The following OPHN1 variants were observed in gnomAD, a reference collection of about 807,000 sequenced individuals.
The protein encoded by OPHN1 is oligophrenin-1.
A neutral mutation model predicts 60.7 loss-of-function variants in OPHN1; 11 were observed. The ratio of observed to expected loss-of-function variants is 0.18; its 90% confidence interval spans 0.11 to 0.30. The LOEUF is 0.30. Among genes scored for constraint, OPHN1 ranks in the 10% least tolerant of loss-of-function variants. The pLI is 1.00. For missense variants in OPHN1, 449 were observed against 611.0 expected, an observed-to-expected ratio of 0.73 and a Z score of 2.80; for synonymous variants, 226 against 222.6, an observed-to-expected ratio of 1.02 and a Z score of -0.14.
At chrX:68,091,457 G>T (rs1385296027) in intron 19 of OPHN1, among the ~76,000 whole-genome samples, 1 of 110,913 alleles carries the variant, frequency 9.0e-6, no homozygotes, top group Admixed American at 9.7e-5. Flanking sequence ...TAAACTAGTT[G>T]GGAAGAACTG....
intron 20 of OPHN1, chrX:68,070,584 C>T: frequency 1.5e-6 from 1 of 654,226 alleles, no homozygotes; most frequent in South Asian, 2.2e-5. Flanking sequence ...TAAACTGGCA[C>T]CACCCGTAGT....
chrX:68,140,530 T>C (rs2077237960), intron 15 of OPHN1, among the ~76,000 whole-genome samples: 1 of 109,476 alleles, frequency 9.1e-6, no homozygotes, highest in African/African-American at 3.3e-5. Context: ...CTGGTGAGGG[T>C]GATACAGAAT....
chrX:68,048,281 G>C, intron 24 of OPHN1, 135 bp downstream of exon 24: 1 of 524,750 alleles, frequency 1.9e-6, no homozygotes, highest in Non-Finnish European at 3.3e-6. Flanking sequence ...GGCAGTGATA[G>C]AGTAATGAAC....
chrX:68,305,240 C>T (rs1222167959), intron 2 of OPHN1, among the ~76,000 whole-genome samples: 1 of 110,249 alleles, frequency 9.1e-6, no homozygotes, highest in African/African-American at 3.3e-5. Context: ...AAAAAATAGC[C>T]GGGTGACGTA....
chrX:68,159,979 AT>A (rs1333868774), intron 15 of OPHN1, among the ~76,000 whole-genome samples: 1 of 103,462 alleles, frequency 9.7e-6, no homozygotes, highest in Non-Finnish European at 1.9e-5. Flanking sequence ...AAAGGCACAT[AT>A]TTTCAGACTG....
chrX:68,325,324 G>A (rs1019159385), intron 2 of OPHN1, among the ~76,000 whole-genome samples: 2 of 108,312 alleles, frequency 1.8e-5, no homozygotes, highest in African/African-American at 6.7e-5. Context: ...CAATAATCAA[G>A]ACAGTCTAGT....
intron 2 of OPHN1, among the ~76,000 whole-genome samples, chrX:68,324,277 A>G (rs1441436186): frequency 9.0e-6 from 1 of 111,164 alleles, no homozygotes; most frequent in Non-Finnish European, 1.9e-5. Flanking sequence ...AAGATCAACA[A>G]TATGAAAATC....
At chrX:68,354,781 C>T (rs2078432440) in intron 2 of OPHN1, among the ~76,000 whole-genome samples, 1 of 108,937 alleles carries the variant, frequency 9.2e-6, no homozygotes, top group Non-Finnish European at 1.9e-5. Context: ...CTAAAAGAAA[C>T]GTCATGATGA....
chrX:68,141,899 T>C (rs1003532009), intron 15 of OPHN1, among the ~76,000 whole-genome samples: 6 of 86,206 alleles, frequency 7.0e-5, no homozygotes, highest in Admixed American at 5.7e-4. Flanking sequence ...GATGGTGATG[T>C]TAATTAAAGA....
intron 6 of OPHN1, among the ~76,000 whole-genome samples, chrX:68,230,913 T>TA (rs931784338): frequency 5.5e-5 from 6 of 109,369 alleles, no homozygotes; most frequent in African/African-American, 1.0e-4. Flanking sequence ...TAAAGTATAA[T>TA]AAAAAAAAGA....
chrX:68,251,202 T>C (rs1330255134), intron 5 of OPHN1, among the ~76,000 whole-genome samples: 1 of 98,795 alleles, frequency 1.0e-5, no homozygotes, highest in Non-Finnish European at 2.1e-5. Context: ...TTTTTTTTTT[T>C]TTGGAAACGG....
intron 5 of OPHN1, among the ~76,000 whole-genome samples, chrX:68,239,803 T>C (rs1301507825): frequency 1.2e-5 from 1 of 85,392 alleles, no homozygotes; most frequent in Non-Finnish European, 2.3e-5. Context: ...TATTTAATTT[T>C]CTTTCCTTTT....
chrX:68,054,558 A>G (rs1213391887), intron 21 of OPHN1, among the ~76,000 whole-genome samples: 2 of 111,272 alleles, frequency 1.8e-5, no homozygotes, highest in Non-Finnish European at 3.8e-5. Flanking sequence ...TCCAAGAGGC[A>G]AAAAAACAAA....
Position 68,073,158 on chromosome X carries a change from T to C in OPHN1, c.1828A>G (p.Ser610Gly), listed in dbSNP as rs1430158390. The C allele has an allele frequency of 1.7e-6, 2 of 1,207,979 alleles. No homozygotes were observed. Among genetic ancestry groups the C allele is most frequent in the Admixed American group, 2.2e-5 (1 of 45,710 alleles). The change falls in exon 20 of 25, where the codon AGC (serine) becomes GGC (glycine). Residue 610 changes from serine (S) to glycine (G), a missense_variant. Physicochemically the swap from Ser to Gly is moderately conservative, Grantham distance 56. Around this residue, in one of 4 missense-constraint regions of OPHN1, gnomAD observed 184 missense variants for 160.5 expected, o/e 1.15. Transcript: ENST00000355520. ...GGTGAACCTCAGTACTGACCTTCGC[T>C]TTCATCCAGGGAAGAAGTATAGAAA... ...TVFYTSSLDESEDEIQHQTPN... is the reference protein window; with the variant it reads ...TVFYTSSLDEGEDEIQHQTPN...
chrX:68,251,959 T>C lies in OPHN1; in HGVS notation c.385-17371A>G, dbSNP rs146950386. The stretch of plus-strand genomic sequence containing the variant: ...AAAGGAAGAATGTATTTCACCTCCT[T>C]ACTGATGTTGGGCTTGGCCATATGA... On this transcript the variant is annotated intron_variant, in intron 5 of 24. Coordinates refer to ENST00000355520, the MANE Select transcript of OPHN1 (RefSeq NM_002547.3). Among the ~76,000 whole-genome samples the C allele has an allele frequency of 3.9e-3, 435 of 112,328 alleles. No homozygotes were observed. In the Middle Eastern group the frequency reaches 0.042, roughly 11 times the overall value.
chrX:68,164,368 C>T (rs888859353), intron 15 of OPHN1, among the ~76,000 whole-genome samples: 22 of 111,938 alleles, frequency 2.0e-4, no homozygotes, highest in African/African-American at 7.1e-4. Flanking sequence ...ACTCTTTGAT[C>T]CATGAGCTAC....
In OPHN1 at chrX:68,311,097, CA is replaced by C. The variant is rs58371159; in HGVS notation, c.155-12002del. On this transcript the variant is annotated intron_variant, in intron 2 of 24. Transcript: ENST00000355520. Reference sequence around the variant, plus strand: ...TTGTGAGAAGTTGTCTCTACCCCTTCAAAAAAAAAATTATTTAAAATCACCA... The same window carrying C: ...TTGTGAGAAGTTGTCTCTACCCCTTCAAAAAAAAATTATTTAAAATCACCA... Among the ~76,000 whole-genome samples, 11 of 106,730 alleles carry C rather than the reference CA, an allele frequency of 1.0e-4. No homozygotes were observed. The East Asian group carries it at 2.1e-3, about 20-fold the overall frequency. 92.7% of individuals were successfully genotyped at this position (106,730 alleles called of 115,157 possible).
At chrX:68,208,787 T>C (rs1169114189) in intron 9 of OPHN1, among the ~76,000 whole-genome samples, 1 of 111,872 alleles carries the variant, frequency 8.9e-6, no homozygotes, top group East Asian at 2.8e-4. Flanking sequence ...ATTAGAGACA[T>C]TTTAGGTTGT....
At chrX:68,152,045 TACTC>T (rs1481067521) in intron 15 of OPHN1, among the ~76,000 whole-genome samples, 11 of 110,568 alleles carry the variant, frequency 9.9e-5, no homozygotes, top group South Asian at 3.9e-4. Flanking sequence ...TGCGAGGACT[TACTC>T]ACTCACTATC....
Sources: gnomAD v4.1 joint callset for allele counts (sites outside exome capture counted in the v4.1 genomes callset) on GRCh38, gnomAD v4.1.1 for gene constraint, gnomAD v4.1.1 regional missense constraint, MANE v1.5 for transcripts, NCBI Gene and HGNC (gene_info 2026-07-23, HGNC 2026-07-21) for gene names.